Variants in ZWILCH observed in about 807,000 individuals in gnomAD.
The protein encoded by ZWILCH is protein zwilch homolog.
ZWILCH carries 74 observed loss-of-function variants against 79.9 expected under a neutral mutation model. That is an observed-to-expected ratio of 0.93 (90% CI 0.77 to 1.12). ZWILCH has a LOEUF of 1.12. Ranked by LOEUF, ZWILCH falls within the 50% of genes most tolerant of loss-of-function variation. The probability of loss-of-function intolerance (pLI) is 0.00; values close to 1 mark genes in which losing one functional copy is unlikely to be tolerated. For synonymous variants in ZWILCH, 241 were observed against 228.2 expected, an observed-to-expected ratio of 1.06 and a Z score of -0.51; for missense variants, 694 against 687.5, an observed-to-expected ratio of 1.01 and a Z score of -0.11.
At chr15:66,526,511 A>G (rs903332757) in intron 8 of ZWILCH, among the ~76,000 whole-genome samples, 5 of 151,728 alleles carry the variant, frequency 3.3e-5, no homozygotes, top group Admixed American at 2.0e-4. Flanking sequence ...CCAGGCTGCA[A>G]TGCAGTGGCA....
intron 5 of ZWILCH, 161 bp downstream of exon 5, chr15:66,519,239 T>G (rs1466433043): frequency 1.5e-5 from 10 of 657,308 alleles, no homozygotes; most frequent in Non-Finnish European, 2.3e-5. Context: ...TTGCAGCATG[T>G]GGGAGGTATT....
intron 2 of ZWILCH, among the ~76,000 whole-genome samples, chr15:66,509,258 T>G (rs1193158780): frequency 6.6e-6 from 1 of 152,184 alleles, no homozygotes; most frequent in African/African-American, 2.4e-5. Flanking sequence ...GATAAATTAT[T>G]TAGTCACCAC....
chr15:66,536,788 C>T (rs572563753), intron 15 of ZWILCH, among the ~76,000 whole-genome samples: 2 of 151,674 alleles, frequency 1.3e-5, no homozygotes, highest in African/African-American at 4.8e-5. Flanking sequence ...AACTGTAATT[C>T]CTTGGACTCT....
chr15:66,518,084 A>G (rs1188813742), intron 4 of ZWILCH, among the ~76,000 whole-genome samples: 2 of 151,476 alleles, frequency 1.3e-5, no homozygotes, highest in Non-Finnish European at 2.9e-5. Context: ...TTCAACTTCT[A>G]CTGAACTTCC....
chr15:66,517,089 A>G (rs1416766651), intron 4 of ZWILCH, among the ~76,000 whole-genome samples: 2 of 152,244 alleles, frequency 1.3e-5, no homozygotes, highest in East Asian at 3.9e-4. Context: ...TGAAAAATAA[A>G]AACATAAGCC....
chr15:66,546,522 T>A, intron 17 of ZWILCH, 69 bp from the exon 18 acceptor site: 1 of 985,684 alleles, frequency 1.0e-6, no homozygotes. Context: ...TGGTGTAAAA[T>A]TCAGCATTAT....
intron 1 of ZWILCH, among the ~76,000 whole-genome samples, chr15:66,506,748 A>G (rs1339543929): frequency 6.6e-6 from 1 of 152,102 alleles, no homozygotes; most frequent in Non-Finnish European, 1.5e-5. Context: ...GGCTGAGGCA[A>G]TAGGACTGCT....
intron 4 of ZWILCH, 65 bp downstream of exon 4, chr15:66,515,709 C>T (rs939369599): frequency 1.4e-5 from 17 of 1,189,862 alleles, no homozygotes; most frequent in South Asian, 8.8e-5. Flanking sequence ...TTCTTATAAA[C>T]GTTGGGAAAA....
intron 17 of ZWILCH, among the ~76,000 whole-genome samples, chr15:66,541,850 A>G (rs1895200681): frequency 1.3e-5 from 2 of 152,240 alleles, no homozygotes; most frequent in African/African-American, 2.4e-5. Flanking sequence ...GGGAATACAA[A>G]TAGTTTTATT....
At position 66,518,985 on chromosome 15, in the gene ZWILCH, T is replaced by G. The variant is rs762359569; in HGVS notation, c.427T>G (p.Ser143Ala). The G allele has an allele frequency of 6.2e-7, 1 of 1,614,224 alleles. No individual in the cohort carries two copies. Among genetic ancestry groups the G allele is most frequent in the Non-Finnish European group, 8.5e-7 (1 of 1,180,036 alleles). Residue 143 changes from serine to alanine, a missense_variant, in exon 5 of 19, where the codon TCA (serine) becomes GCA (alanine). By Grantham distance (99) the Ser-to-Ala change is moderately conservative (BLOSUM62 1). Coordinates refer to ENST00000307897, the MANE Select transcript of ZWILCH (RefSeq NM_017975.5). The part of the protein sequence containing the change: ...LPPLWVRCDS[S>A]DPEGTCWLGA... Reference sequence around the variant, plus strand: ...TCCCCTTTGGGTAAGATGTGACAGTTCAGATCCTGAAGGTACTTGTTGGCT... The same window carrying G: ...TCCCCTTTGGGTAAGATGTGACAGTGCAGATCCTGAAGGTACTTGTTGGCT...
chr15:66,520,740 C>T (rs1174121589), intron 6 of ZWILCH, 80 bp downstream of exon 6: 1 of 907,794 alleles, frequency 1.1e-6, no homozygotes, highest in Non-Finnish European at 1.7e-6. Flanking sequence ...TTTTTTTTCA[C>T]TCCTAAGATG....
Position 66,532,386 on chromosome 15 carries a change from A to G in ZWILCH, c.1295A>G (p.Tyr432Cys), listed in dbSNP as rs754280084. ...GGTTTGGACAAACTAAAGAAAGATT[A>G]TATCAGTTTTTTCATAGGTAAGTAT... ...EIGLDKLKKD[Y>C]ISFFIGQELA... The change falls in exon 13 of 19, where the codon TAT becomes TGT. Residue 432 changes from tyrosine (Y) to cysteine (C), a missense_variant. Tyr to Cys is a radical substitution (Grantham distance 194). Transcript: ENST00000307897. 1.9e-6 allele frequency: 3 copies of G among 1,606,672 alleles called. No individual in the cohort carries two copies. The highest frequency in any genetic ancestry group is 1.7e-4 in the Middle Eastern group (1 of 6,028).
At chr15:66,532,214 T>C (rs749693988) in intron 12 of ZWILCH, 33 bp from the exon 13 acceptor site, 2 of 1,511,256 alleles carry the variant, frequency 1.3e-6, no homozygotes, top group South Asian at 2.6e-5. Flanking sequence ...TATATATTTA[T>C]TCATGGTTTT....
chr15:66,509,819 CTACATATATATATATATA>C (rs1313133085), intron 2 of ZWILCH, among the ~76,000 whole-genome samples: 1 of 49,850 alleles, frequency 2.0e-5, no homozygotes, highest in African/African-American at 6.4e-5. Context: ...GTGTGTGTGG[CTACATATATATATATATA>C]TATATATATA....
chr15:66,532,392 G>GT lies in ZWILCH; in HGVS notation c.1307dup (p.Ile437HisfsTer46), dbSNP rs754079572. ...GACAAACTAAAGAAAGATTATATCAGTTTTTTCATAGGTAAGTATCTTTCC... is the reference window on the plus strand; with the variant it reads ...GACAAACTAAAGAAAGATTATATCAGTTTTTTTCATAGGTAAGTATCTTTCC... On this transcript the variant is annotated frameshift_variant, in exon 13 of 19. Coordinates refer to ENST00000307897, the MANE Select transcript of ZWILCH (RefSeq NM_017975.5). LOFTEE classifies it high-confidence loss of function. 12 of 1,604,668 alleles carry GT rather than the reference G, an allele frequency of 7.5e-6. No homozygotes were observed. The highest frequency in any genetic ancestry group is 1.0e-5 in the Non-Finnish European group (12 of 1,176,826).
intron 6 of ZWILCH, 69 bp from the exon 7 acceptor site, chr15:66,520,981 A>G: frequency 6.5e-7 from 1 of 1,530,976 alleles, no homozygotes; most frequent in Non-Finnish European, 8.9e-7. Flanking sequence ...GGATCAAAAT[A>G]ATTTGGGTAA....
At chr15:66,516,006 A>G (rs1007345054) in intron 4 of ZWILCH, among the ~76,000 whole-genome samples, 1 of 152,230 alleles carries the variant, frequency 6.6e-6, no homozygotes, top group African/African-American at 2.4e-5. Context: ...GCTTCATGAT[A>G]AAACCCAAAT....
intron 4 of ZWILCH, among the ~76,000 whole-genome samples, chr15:66,518,541 G>T (rs1405190508): frequency 6.6e-6 from 1 of 152,142 alleles, no homozygotes; most frequent in African/African-American, 2.4e-5. Context: ...GGCTGGACGT[G>T]GTGGCTCATG....
At chr15:66,509,870 T>TATAG (rs1491513134) in intron 2 of ZWILCH, among the ~76,000 whole-genome samples, 1,140 of 100,528 alleles carry the variant, frequency 0.011, 51 homozygotes, top group Middle Eastern at 0.02. Flanking sequence ...TATATATATA[T>TATAG]CTCTTAAAAA....
Sources: allele counts gnomAD v4.1 joint callset (sites outside exome capture counted in the v4.1 genomes callset), GRCh38; gene constraint gnomAD v4.1.1; transcripts MANE v1.5; gene names NCBI Gene and HGNC (gene_info 2026-07-23, HGNC 2026-07-21).